DCBLD2: variants seen among roughly 807,000 people sequenced by gnomAD.
The protein encoded by DCBLD2 is discoidin, CUB and LCCL domain containing 2, also known as discoidin, CUB and LCCL domain-containing protein 2.
DCBLD2 carries 54 observed loss-of-function variants against 86.8 expected under a neutral mutation model. The ratio of observed to expected loss-of-function variants is 0.62; its 90% confidence interval spans 0.50 to 0.78. The LOEUF (loss-of-function observed/expected upper bound fraction) is 0.78, where lower values mean the gene tolerates loss of function less well. Among genes scored for constraint, DCBLD2 ranks in the 30% least tolerant of loss-of-function variants. The pLI, the probability that DCBLD2 is intolerant of heterozygous loss-of-function variation, is 0.00. For missense variants in DCBLD2, 908 were observed against 954.2 expected (o/e 0.95, Z 0.64); for synonymous variants, 354 against 341.3 (o/e 1.04, Z -0.41).
chr3:98,847,918 T>A (rs1328920197), intron 3 of DCBLD2, among the ~76,000 whole-genome samples: 5 of 152,186 alleles, frequency 3.3e-5, no homozygotes, highest in Non-Finnish European at 5.9e-5. Context: ...TTCATGCAGG[T>A]CTTGCATTTT....
At chr3:98,837,802 G>A (rs1372075895) in intron 3 of DCBLD2, among the ~76,000 whole-genome samples, 229 of 131,992 alleles carry the variant, frequency 1.7e-3, no homozygotes, top group African/African-American at 6.7e-3. Context: ...CAGACGGGGC[G>A]GCTGGCCGGG....
intron 1 of DCBLD2, among the ~76,000 whole-genome samples, chr3:98,897,433 A>G (rs549168091): frequency 1.4e-4 from 22 of 152,288 alleles, no homozygotes; most frequent in African/African-American, 4.8e-4. Context: ...AAGAGCCCCA[A>G]TGTTTTATCA....
chr3:98,802,779 T>C (rs1009821343), intron 13 of DCBLD2, among the ~76,000 whole-genome samples: 1 of 152,230 alleles, frequency 6.6e-6, no homozygotes, highest in African/African-American at 2.4e-5. Context: ...CTAGCCAGTT[T>C]TCCCAGCACC....
Position 98,895,916 on chromosome 3 carries a change from T to C in DCBLD2, c.205+5206A>G, listed in dbSNP as rs994664269. Among the ~76,000 whole-genome samples, 3 of 152,334 alleles carry C rather than the reference T, an allele frequency of 2.0e-5. No homozygotes were observed. In the South Asian group the frequency reaches 6.2e-4, roughly 32 times the overall value. On this transcript the variant is annotated intron_variant, in intron 1 of 15. Coordinates refer to ENST00000326840, the MANE Select transcript of DCBLD2 (RefSeq NM_080927.4). The stretch of plus-strand genomic sequence containing the variant: ...CACAGTTGGTACCCCTTCATACTGA[T>C]AGTTCTTAATGAGAGAATGATAAAG...
intron 1 of DCBLD2, chr3:98,900,844 A>G (rs925315339): frequency 8.0e-6 from 4 of 502,686 alleles, no homozygotes; most frequent in Non-Finnish European, 1.1e-5. Context: ...AATTTTCCCC[A>G]GAAGGACCTA....
chr3:98,801,973 G>T, intron 13 of DCBLD2: 1 of 206,210 alleles, frequency 4.8e-6, no homozygotes, highest in East Asian at 1.1e-4. Flanking sequence ...CATTTGGGTT[G>T]GTTCCAAGTC....
At chr3:98,876,078 T>C (rs946033422) in intron 2 of DCBLD2, among the ~76,000 whole-genome samples, 1 of 151,954 alleles carries the variant, frequency 6.6e-6, no homozygotes, top group Non-Finnish European at 1.5e-5. Context: ...TTTAAAAGTT[T>C]GCATGGTTGA....
chr3:98,811,252 T>C lies in DCBLD2; in HGVS notation c.1518A>G (p.Glu506=), dbSNP rs373017854. Residue 506 remains glutamate, a synonymous_variant, in exon 12 of 16, where the codon GAA becomes GAG. Coordinates refer to ENST00000326840, the MANE Select transcript of DCBLD2 (RefSeq NM_080927.4). ...RSSNEFPAQT[E]QTTASPDIRN... is the part of the protein sequence containing the mutation. ...TGATATCAGGACTGGCAGTTGTTTG[T>C]TCTGTCTGTGCAGGAAATTCATTGC... 6.2e-6 allele frequency: 10 copies of C among 1,612,870 alleles called. No individual in the cohort carries two copies. Among genetic ancestry groups the C allele is most frequent in the Non-Finnish European group, 7.6e-6 (9 of 1,179,450 alleles).
intron 3 of DCBLD2, among the ~76,000 whole-genome samples, chr3:98,833,110 G>A (rs768093331): frequency 6.6e-6 from 1 of 152,146 alleles, no homozygotes; most frequent in Non-Finnish European, 1.5e-5. Flanking sequence ...TTATTTCTTA[G>A]AGGTTTTATT....
chr3:98,853,066 A>C (rs2439235), intron 2 of DCBLD2, among the ~76,000 whole-genome samples: 4 of 152,172 alleles, frequency 2.6e-5, no homozygotes, highest in Non-Finnish European at 5.9e-5. Flanking sequence ...TAATTTATTA[A>C]GAAGCAAAGT....
chr3:98,878,503 A>G (rs1393945602), intron 2 of DCBLD2, among the ~76,000 whole-genome samples: 2 of 152,224 alleles, frequency 1.3e-5, no homozygotes, highest in Non-Finnish European at 2.9e-5. Flanking sequence ...TAGGGGGAAA[A>G]AAAAAGATTC....
At chr3:98,870,610 A>AGGAAAGGGAAAG (rs796431895) in intron 2 of DCBLD2, among the ~76,000 whole-genome samples, 1 of 150,910 alleles carries the variant, frequency 6.6e-6, no homozygotes, top group Non-Finnish European at 1.5e-5. Flanking sequence ...TAAGATGGAA[A>AGGAAAGGGAAAG]GGAAAGGGAA....
At chr3:98,846,838 C>G (rs1009213841) in intron 3 of DCBLD2, among the ~76,000 whole-genome samples, 1 of 151,622 alleles carries the variant, frequency 6.6e-6, no homozygotes, top group Non-Finnish European at 1.5e-5. Flanking sequence ...TTCTGTGGGC[C>G]AAAAAGCCTC....
chr3:98,875,984 G>A (rs1484159420), intron 2 of DCBLD2, among the ~76,000 whole-genome samples: 2 of 151,894 alleles, frequency 1.3e-5, no homozygotes, highest in Non-Finnish European at 2.9e-5. Flanking sequence ...CTTTAGTTGG[G>A]ATATAGGAAG....
chr3:98,841,953 T>A (rs1942629729), intron 3 of DCBLD2, among the ~76,000 whole-genome samples: 1 of 152,140 alleles, frequency 6.6e-6, no homozygotes, highest in South Asian at 2.1e-4. Context: ...TAGTCCCAGC[T>A]ACTTGGGAGG....
At position 98,825,030 on chromosome 3, in the gene DCBLD2, TAGG is replaced by T. The variant is rs921050795; in HGVS notation, c.623+282_623+284del. On this transcript the variant is annotated intron_variant, in intron 4 of 15. Coordinates refer to ENST00000326840, the MANE Select transcript of DCBLD2 (RefSeq NM_080927.4). ...AGATAAATACCTTTTCAACTTTTAC[TAGG>T]AGTTTTGCTAGATTTTGAAAAGCAA... 7.2e-5 allele frequency among the ~76,000 whole-genome samples: 11 copies of T among 152,206 alleles called. No homozygotes were observed. The South Asian group carries it at 8.3e-4, about 11-fold the overall frequency.
chr3:98,863,636 G>A (rs952998652), intron 2 of DCBLD2, among the ~76,000 whole-genome samples: 1 of 152,166 alleles, frequency 6.6e-6, no homozygotes, highest in African/African-American at 2.4e-5. Context: ...TTAATAAATG[G>A]TGCTGGGAAA....
chr3:98,886,945 T>C (rs1943574849), intron 1 of DCBLD2, among the ~76,000 whole-genome samples: 1 of 151,886 alleles, frequency 6.6e-6, no homozygotes, highest in Non-Finnish European at 1.5e-5. Flanking sequence ...ATCAAGTGTG[T>C]TTTTTGTTTA....
chr3:98,822,630 T>A, intron 5 of DCBLD2, 39 bp downstream of exon 5: 1 of 1,518,444 alleles, frequency 6.6e-7, no homozygotes, highest in Non-Finnish European at 8.9e-7. Flanking sequence ...AAAAATAGAG[T>A]TATATCACAA....
Sources: allele counts gnomAD v4.1 joint callset (sites outside exome capture counted in the v4.1 genomes callset), GRCh38; gene constraint gnomAD v4.1.1; transcripts MANE v1.5; gene names NCBI Gene and HGNC (gene_info 2026-07-23, HGNC 2026-07-21).